The following EIF4B variants were observed in gnomAD, a reference collection of about 807,000 sequenced individuals.
EIF4B encodes eukaryotic translation initiation factor 4B.
A neutral mutation model predicts 79.3 loss-of-function variants in EIF4B; 8 were observed. The ratio of observed to expected loss-of-function variants is 0.10; its 90% confidence interval spans 0.06 to 0.18. The LOEUF is 0.18. Ranked by LOEUF, EIF4B falls within the 10% of genes least tolerant of loss-of-function variation. The pLI is 1.00. For synonymous variants in EIF4B, 238 were observed against 274.7 expected (o/e 0.87, Z 1.32); for missense variants, 515 against 792.4 (o/e 0.65, Z 4.20).
intron 1 of EIF4B, among the ~76,000 whole-genome samples, chr12:53,010,499 T>C (rs1943046261): frequency 6.6e-6 from 1 of 152,216 alleles, no homozygotes; most frequent in African/African-American, 2.4e-5. Flanking sequence ...TGTATTACAT[T>C]GCATGAAATG....
At chr12:53,036,966 G>A (rs186516085) in intron 10 of EIF4B, among the ~76,000 whole-genome samples, 111 of 152,298 alleles carry the variant, frequency 7.3e-4, no homozygotes, top group Non-Finnish European at 1.3e-3. Context: ...GATTACAGGC[G>A]AGAGCCACTG....
chr12:53,028,873 C>T (rs1943385900), intron 8 of EIF4B, among the ~76,000 whole-genome samples: 1 of 152,032 alleles, frequency 6.6e-6, no homozygotes, highest in African/African-American at 2.4e-5. Context: ...CACCTGTAAT[C>T]TCAGCACTTT....
At chr12:53,018,673 CT>C in intron 2 of EIF4B, 124 bp from the exon 3 acceptor site, 9 of 1,041,846 alleles carry the variant, frequency 8.6e-6, no homozygotes, top group Non-Finnish European at 1.1e-5. Context: ...TGAACCCCCA[CT>C]TTTTTTGGTC....
intron 8 of EIF4B, among the ~76,000 whole-genome samples, chr12:53,030,332 G>A (rs970371416): frequency 7.5e-5 from 11 of 146,634 alleles, no homozygotes; most frequent in African/African-American, 2.7e-4. Context: ...GTTAGCCAAG[G>A]TCTCATTTCA....
chr12:53,022,354 T>G, intron 5 of EIF4B, 139 bp from the exon 6 acceptor site: 2 of 1,240,302 alleles, frequency 1.6e-6, no homozygotes, highest in South Asian at 1.2e-5. Flanking sequence ...AGCATGTACT[T>G]ATGGGGCCTG....
Position 53,041,532 on chromosome 12 carries a change from G to C in EIF4B, c.*1309G>C, listed in dbSNP as rs950925999. On this transcript the variant is annotated 3_prime_UTR_variant, in exon 15 of 15. Transcript: ENST00000262056. ...TTGTTTTTTTAAGCTTCCCTTGAGA[G>C]AATAAATGGTAATGGAGAGAACTAT... 7 of 151,856 alleles carry C rather than the reference G, an allele frequency of 4.6e-5. No individual in the cohort carries two copies. Among genetic ancestry groups the C allele is most frequent in the Admixed American group, 3.3e-4 (5 of 15,228 alleles). 9.4% of individuals were successfully genotyped at this position (151,856 alleles called of 1,614,324 possible).
intron 1 of EIF4B, among the ~76,000 whole-genome samples, chr12:53,012,730 C>T (rs1266371795): frequency 2.0e-5 from 3 of 151,758 alleles, no homozygotes; most frequent in Admixed American, 1.3e-4. Flanking sequence ...CTCAGCCTCC[C>T]GAGTAGCTAG....
At chr12:53,034,473 A>G (rs1943502958) in intron 9 of EIF4B, 139 bp from the exon 10 acceptor site, 2 of 811,048 alleles carry the variant, frequency 2.5e-6, no homozygotes, top group Non-Finnish European at 4.0e-6. Context: ...TAGCTTTCAA[A>G]TAGTTTGAGG....
chr12:53,031,746 C>T (rs1943450692), intron 8 of EIF4B, among the ~76,000 whole-genome samples: 1 of 152,206 alleles, frequency 6.6e-6, no homozygotes, highest in Non-Finnish European at 1.5e-5. Flanking sequence ...TACCCTCTAT[C>T]TACAGGTACT....
At chr12:53,036,714 T>A (rs556286685) in intron 10 of EIF4B, among the ~76,000 whole-genome samples, 14 of 152,054 alleles carry the variant, frequency 9.2e-5, no homozygotes, top group South Asian at 6.2e-4. Context: ...CTGCATTTTT[T>A]AAAAAACGCA....
At chr12:53,037,875 CAG>C (rs1943565480) in intron 11 of EIF4B, 1 of 509,352 alleles carries the variant, frequency 2.0e-6, no homozygotes, top group Non-Finnish European at 3.5e-6. Flanking sequence ...TACTGTAAGT[CAG>C]AGGCTTCCCT....
chr12:53,025,752 G>A (rs970210667), intron 6 of EIF4B, among the ~76,000 whole-genome samples: 1 of 152,050 alleles, frequency 6.6e-6, no homozygotes, highest in Non-Finnish European at 1.5e-5. Flanking sequence ...TGTTATGTCT[G>A]GTCAGTAAAA....
chr12:53,009,340 A>G (rs1360563107), intron 1 of EIF4B, among the ~76,000 whole-genome samples: 1 of 152,136 alleles, frequency 6.6e-6, no homozygotes, highest in Non-Finnish European at 1.5e-5. Flanking sequence ...CCTGGCCAAC[A>G]TGGTGAAACC....
At chr12:53,015,785 T>G (rs2120902070) in intron 1 of EIF4B, among the ~76,000 whole-genome samples, 1 of 152,086 alleles carries the variant, frequency 6.6e-6, no homozygotes, top group African/African-American at 2.4e-5. Flanking sequence ...AAGACCAGCC[T>G]GGCCAACATG....
rs56017954 is a variant in EIF4B, at chr12:53,007,420, C to CTTT, written c.13+950_13+952dup. On this transcript the variant is annotated intron_variant, in intron 1 of 14. Coordinates refer to ENST00000262056, the MANE Select transcript of EIF4B (RefSeq NM_001417.7). ...GATAGCTCCAATGGTAGATTTCAGC[C>CTTT]TTTTTTTTTTTTTTTTTTTTTTTTT... Among the ~76,000 whole-genome samples, 139 of 92,250 alleles carry CTTT rather than the reference C, an allele frequency of 1.5e-3. 21 individuals carry two copies. Among genetic ancestry groups the CTTT allele is most frequent in the African/African-American group, 6.8e-3 (134 of 19,656 alleles). 60.5% of individuals were successfully genotyped at this position (92,250 alleles called of 152,430 possible). A position where few individuals can be genotyped will look rare whatever the true frequency, so the allele number is the denominator to read the frequency against.
intron 6 of EIF4B, among the ~76,000 whole-genome samples, chr12:53,023,355 C>A (rs1369987277): frequency 6.6e-6 from 1 of 152,080 alleles, no homozygotes; most frequent in Non-Finnish European, 1.5e-5. Context: ...GCCTCAGCCT[C>A]CCAAGTAGCT....
intron 6 of EIF4B, among the ~76,000 whole-genome samples, chr12:53,024,479 CTGTTTT>C (rs545477715): frequency 6.5e-4 from 99 of 152,240 alleles, no homozygotes; most frequent in Non-Finnish European, 1.1e-3. Flanking sequence ...AGGGAAAATT[CTGTTTT>C]TAGTCTGTAA....
Position 53,006,527 on chromosome 12 carries a change from T to C in EIF4B, c.13+31T>C, listed in dbSNP as rs773792522. On this transcript the variant is annotated intron_variant, in intron 1 of 14. Coordinates refer to ENST00000262056, the MANE Select transcript of EIF4B (RefSeq NM_001417.7). ...CGAGCAGCCGAGCGCGGCCAAGGAC[T>C]GGGCTCTGAAACCCCCCTCCGAGCG... 66 of 1,613,352 alleles carry C rather than the reference T, an allele frequency of 4.1e-5. 1 individual carries two copies. The South Asian group carries it at 6.4e-4, about 16-fold the overall frequency.
rs1555151453 is a variant in EIF4B, at chr12:53,016,620, CT to C, written c.151+14del. The C allele has an allele frequency of 7.0e-6, 11 of 1,565,792 alleles. No individual in the cohort carries two copies. The highest frequency in any genetic ancestry group is 9.5e-6 in the Non-Finnish European group (11 of 1,160,060). The stretch of plus-strand genomic sequence containing the variant: ...GACCTGGAAGGAGATGGTAACTTTT[CT>C]TTTGTCATCGTGTTTGGAATGTTTA... On this transcript the variant is annotated intron_variant, in intron 2 of 14. Transcript: ENST00000262056.
Sources: gnomAD v4.1 joint callset for allele counts (sites outside exome capture counted in the v4.1 genomes callset) on GRCh38, gnomAD v4.1.1 for gene constraint, MANE v1.5 for transcripts, NCBI Gene and HGNC (gene_info 2026-07-23, HGNC 2026-07-21) for gene names.